Variants in NALF1 observed in about 807,000 individuals in gnomAD.
The protein encoded by NALF1 is family with sequence similarity 155 member A.
NALF1 carries 3 observed loss-of-function variants against 48.4 expected under a neutral mutation model. That is an observed-to-expected ratio of 0.06 (90% CI 0.03 to 0.16). The LOEUF (loss-of-function observed/expected upper bound fraction) is 0.16. Among genes scored for constraint, NALF1 ranks in the 10% least tolerant of loss-of-function variants. NALF1 has a pLI of 1.00. For missense variants in NALF1, 526 were observed against 571.5 expected, an observed-to-expected ratio of 0.92 and a Z score of 0.81; for synonymous variants, 262 against 245.7, an observed-to-expected ratio of 1.07 and a Z score of -0.62.
At chr13:107,634,539 A>G (rs1436976341) in intron 1 of NALF1, among the ~76,000 whole-genome samples, 1 of 152,176 alleles carries the variant, frequency 6.6e-6, no homozygotes, top group East Asian at 1.9e-4. Context: ...AGGGGAAAAG[A>G]TCTTGGAGTA....
intron 1 of NALF1, among the ~76,000 whole-genome samples, chr13:107,374,368 C>T (rs12864261): frequency 0.035 from 5,373 of 152,204 alleles, 89 homozygotes; most frequent in African/African-American, 0.047. Flanking sequence ...TTCAGTGGAC[C>T]CTTTTTATTG....
intron 1 of NALF1, among the ~76,000 whole-genome samples, chr13:107,228,494 C>G (rs978048745): frequency 1.2e-4 from 18 of 152,196 alleles, no homozygotes; most frequent in Admixed American, 4.6e-4. Flanking sequence ...TCAATGACAT[C>G]AACCACTCAC....
intron 1 of NALF1, among the ~76,000 whole-genome samples, chr13:107,528,010 A>C (rs77103535): frequency 0.044 from 6,757 of 152,250 alleles, 235 homozygotes; most frequent in East Asian, 0.12. Flanking sequence ...AGTAATATAA[A>C]CATATCTGAC....
chr13:107,864,307 T>C (rs1880652001), intron 1 of NALF1, among the ~76,000 whole-genome samples: 1 of 152,228 alleles, frequency 6.6e-6, no homozygotes, highest in African/African-American at 2.4e-5. Context: ...AGAATGAGAA[T>C]AAGGCAAGGT....
intron 1 of NALF1, among the ~76,000 whole-genome samples, chr13:107,247,550 C>T (rs1325637435): frequency 6.6e-6 from 1 of 152,146 alleles, no homozygotes; most frequent in African/African-American, 2.4e-5. Context: ...AAAATATGAG[C>T]TTTCTCAAAT....
intron 1 of NALF1, among the ~76,000 whole-genome samples, chr13:107,414,179 T>C (rs1884043797): frequency 6.6e-6 from 1 of 151,510 alleles, no homozygotes; most frequent in Non-Finnish European, 1.5e-5. Flanking sequence ...TTAAAAAACT[T>C]CTCTTATTGA....
At position 107,395,777 on chromosome 13, in the gene NALF1, C is replaced by T. The variant is rs188171729; in HGVS notation, c.916-185022G>A. On this transcript the variant is annotated intron_variant, in intron 1 of 2. Transcript: ENST00000375915. ...CTTCTCTCATAGACTTGTAGACGGC[C>T]GTCTTCTCTCCATGTTTTCACGTAA... 7.0e-4 allele frequency among the ~76,000 whole-genome samples: 106 copies of T among 152,114 alleles called. 1 individual carries two copies. The highest frequency in any genetic ancestry group is 2.8e-3 in the Admixed American group (43 of 15,256).
chr13:107,364,751 C>G (rs1485503051), intron 1 of NALF1, among the ~76,000 whole-genome samples: 3 of 152,106 alleles, frequency 2.0e-5, no homozygotes, highest in African/African-American at 7.2e-5. Flanking sequence ...GAAAGGGGGT[C>G]AGACACAAGC....
chr13:107,672,478 C>T (rs1362651748), intron 1 of NALF1, among the ~76,000 whole-genome samples: 1 of 152,074 alleles, frequency 6.6e-6, no homozygotes, highest in Non-Finnish European at 1.5e-5. Flanking sequence ...ATAGTCAGGC[C>T]TGCCTCATCC....
chr13:107,352,830 T>A (rs1021687395), intron 1 of NALF1, among the ~76,000 whole-genome samples: 1 of 152,196 alleles, frequency 6.6e-6, no homozygotes, highest in Non-Finnish European at 1.5e-5. Flanking sequence ...CTTTGAGATT[T>A]CCTTATTTGA....
At chr13:107,371,215 GGAGA>G (rs1883242802) in intron 1 of NALF1, among the ~76,000 whole-genome samples, 1 of 152,146 alleles carries the variant, frequency 6.6e-6, no homozygotes, top group Non-Finnish European at 1.5e-5. Context: ...GGAAAGCCAA[GGAGA>G]GAGAATCGCT....
chr13:107,319,272 G>A (rs1216640868), intron 1 of NALF1, among the ~76,000 whole-genome samples: 1 of 152,086 alleles, frequency 6.6e-6, no homozygotes, highest in Non-Finnish European at 1.5e-5. Context: ...GTGAACGTGG[G>A]ACAGAAGAAC....
chr13:107,791,998 T>C (rs1405774154), intron 1 of NALF1, among the ~76,000 whole-genome samples: 6 of 152,156 alleles, frequency 3.9e-5, no homozygotes, highest in African/African-American at 1.4e-4. Context: ...TTGCTATGTT[T>C]TAAGTTACAA....
At chr13:107,240,750 AT>A (rs930085173) in intron 1 of NALF1, among the ~76,000 whole-genome samples, 1 of 152,078 alleles carries the variant, frequency 6.6e-6, no homozygotes, top group African/African-American at 2.4e-5. Flanking sequence ...GTGGTTTCAA[AT>A]TTTTAAGTGT....
chr13:107,691,694 T>C (rs938187893), intron 1 of NALF1, among the ~76,000 whole-genome samples: 4 of 152,200 alleles, frequency 2.6e-5, no homozygotes, highest in Admixed American at 6.5e-5. Flanking sequence ...TGTGATATAT[T>C]ACACCAATGT....
intron 1 of NALF1, among the ~76,000 whole-genome samples, chr13:107,411,301 GTTT>G (rs5806654): frequency 0.014 from 1,958 of 136,422 alleles, 21 homozygotes; most frequent in South Asian, 0.033. Flanking sequence ...GTAGAATCTT[GTTT>G]TTTTTTTTTT....
chr13:107,595,486 T>C (rs1342941540), intron 1 of NALF1, among the ~76,000 whole-genome samples: 2 of 149,580 alleles, frequency 1.3e-5, no homozygotes, highest in Non-Finnish European at 3.0e-5. Flanking sequence ...GCCTGGAAGC[T>C]TATGCTTTTC....
chr13:107,251,001 C>A (rs968439697), intron 1 of NALF1, among the ~76,000 whole-genome samples: 2 of 152,120 alleles, frequency 1.3e-5, no homozygotes, highest in African/African-American at 4.8e-5. Context: ...TCTGCAGAAC[C>A]GTGAGCCAAC....
chr13:107,519,271 G>A (rs1244889734), intron 1 of NALF1, among the ~76,000 whole-genome samples: 2 of 152,060 alleles, frequency 1.3e-5, no homozygotes, highest in East Asian at 3.9e-4. Context: ...TTATTTGATT[G>A]CAGGTTATTA....
Sources: gnomAD v4.1 joint callset for allele counts (sites outside exome capture counted in the v4.1 genomes callset) on GRCh38, gnomAD v4.1.1 for gene constraint, MANE v1.5 for transcripts, NCBI Gene and HGNC (gene_info 2026-07-23, HGNC 2026-07-21) for gene names.